Variants in PRH1 observed in about 807,000 individuals in gnomAD.
The protein encoded by PRH1 is salivary acidic proline-rich phosphoprotein 1/2.
A neutral mutation model predicts 7.9 loss-of-function variants in PRH1; 7 were observed. The ratio of observed to expected loss-of-function variants is 0.89; its 90% CI spans 0.50 to 1.67. PRH1 has a LOEUF of 1.67. Ranked by LOEUF, PRH1 falls within the 40% of genes most tolerant of loss-of-function variation. The probability of loss-of-function intolerance (pLI) is 0.00; values close to 1 mark genes in which losing one functional copy is unlikely to be tolerated. For synonymous variants in PRH1, 45 were observed against 80.8 expected (o/e 0.56, Z 2.38); for missense variants, 109 against 223.6 (o/e 0.49, Z 3.27).
At chr12:11,149,987 AC>A (rs1592109789) in intron 1 of PRH1, among the ~76,000 whole-genome samples, 1 of 127,272 alleles carries the variant, frequency 7.9e-6, no homozygotes, top group African/African-American at 2.7e-5. Flanking sequence ...AAAACAGACA[AC>A]CCCATCAAAA....
intron 2 of PRH1, among the ~76,000 whole-genome samples, chr12:10,901,517 G>T (rs775418726): frequency 6.6e-6 from 1 of 152,118 alleles, no homozygotes; most frequent in Non-Finnish European, 1.5e-5. Context: ...CACCCACCTT[G>T]CTCCCCACAA....
At chr12:10,939,051 T>C (rs1398434158) in intron 2 of PRH1, 3 of 1,613,870 alleles carry the variant, frequency 1.9e-6, no homozygotes, top group Non-Finnish European at 2.5e-6. Flanking sequence ...ATTCGAGAGA[T>C]TGCCAAAGCA....
Position 11,114,660 on chromosome 12 carries a change from A to C in PRH1, n.123+56762T>G, listed in dbSNP as rs532769390. ...CCAGAAGTTAAAGTATAATTAAAAAAATAATAGCCACAACAACCTTTGAAT... is the reference window on the plus strand; with the variant it reads ...CCAGAAGTTAAAGTATAATTAAAAACATAATAGCCACAACAACCTTTGAAT... On this transcript the variant is annotated intron_variant and non_coding_transcript_variant, in intron 1 of 4. Coordinates refer to the PRH1 transcript ENST00000541977. 5.9e-5 allele frequency among the ~76,000 whole-genome samples: 9 copies of C among 152,316 alleles called. No homozygotes were observed. The South Asian group carries it at 1.9e-3, about 32-fold the overall frequency.
chr12:11,035,854 A>G (rs1385213079), intron 1 of PRH1, among the ~76,000 whole-genome samples: 2 of 152,156 alleles, frequency 1.3e-5, no homozygotes, highest in Admixed American at 6.5e-5. Context: ...CCACAGCTCC[A>G]CCACTCTATT....
At chr12:11,101,404 C>T (rs760621370) in intron 1 of PRH1, among the ~76,000 whole-genome samples, 2 of 152,204 alleles carry the variant, frequency 1.3e-5, no homozygotes, top group African/African-American at 2.4e-5. Flanking sequence ...ATGGGAGAAT[C>T]ACTTGAGCCA....
upstream of PRH1, among the ~76,000 whole-genome samples, chr12:10,889,170 T>G (rs1241224444): frequency 6.6e-6 from 1 of 152,232 alleles, no homozygotes. Flanking sequence ...AGAACTTCAT[T>G]TGGCTATTAT....
chr12:10,903,678 G>A (rs1410182454), intron 2 of PRH1, among the ~76,000 whole-genome samples: 1 of 150,660 alleles, frequency 6.6e-6, no homozygotes, highest in Non-Finnish European at 1.5e-5. Flanking sequence ...TCCTAGCCAG[G>A]ACAATCAGGC....
chr12:11,045,115 C>T (rs1418893050), intron 1 of PRH1, among the ~76,000 whole-genome samples: 3 of 151,962 alleles, frequency 2.0e-5, no homozygotes, highest in Admixed American at 6.6e-5. Flanking sequence ...CAATGGAGTA[C>T]AATTGAGCCA....
chr12:10,943,302 T>C (rs145931765), intron 2 of PRH1, among the ~76,000 whole-genome samples: 140 of 152,268 alleles, frequency 9.2e-4, no homozygotes, highest in African/African-American at 3.2e-3. Flanking sequence ...CTCATTGTGG[T>C]TTTGATTTGG....
At position 11,154,819 on chromosome 12, in the gene PRH1, TCC is replaced by T. The variant is rs1332226301; in HGVS notation, n.39+16601_39+16602del. ...AATTTTCTTAATCAGATAAGGAAAT[TCC>T]AGAGAGAATTCCCTCTGGTGCTTCA... On this transcript the variant is annotated intron_variant and non_coding_transcript_variant, in intron 1 of 1. Coordinates refer to the PRH1 transcript ENST00000541175. Among the ~76,000 whole-genome samples, 4 of 152,290 alleles carry T rather than the reference TCC, an allele frequency of 2.6e-5. No individual in the cohort carries two copies. In the East Asian group the frequency reaches 7.7e-4, roughly 29 times the overall value.
At position 10,930,687 on chromosome 12, in the gene PRH1, A is replaced by G. The variant is rs1366165178; in HGVS notation, c.-59+42968T>C. 2.5e-6 allele frequency: 4 copies of G among 1,613,934 alleles called. No homozygotes were observed. The Admixed American group carries it at 6.7e-5, about 27-fold the overall frequency. ...ATGGAGGAGACTCTGAGCAGTTCAT[A>G]GATGAGGAGCGTCAGGGACCACCTT... is the stretch of plus-strand genomic sequence containing the variant. On this transcript the variant is annotated intron_variant, in intron 2 of 3. Transcript: ENST00000539853.
At chr12:11,142,646 C>G (rs1277651937) in intron 1 of PRH1, among the ~76,000 whole-genome samples, 1 of 152,094 alleles carries the variant, frequency 6.6e-6, no homozygotes, top group Admixed American at 6.6e-5. Flanking sequence ...AAGACTACCT[C>G]AAGGAATTTA....
At chr12:11,086,408 A>C (rs533330381) in intron 1 of PRH1, among the ~76,000 whole-genome samples, 1 of 115,930 alleles carries the variant, frequency 8.6e-6, no homozygotes, top group South Asian at 2.3e-4. Context: ...TATTTAATTT[A>C]TTTTTGATTA....
At position 11,030,487 on chromosome 12, in the gene PRH1, GT is replaced by G. The variant is rs766252573; in HGVS notation, c.-126+16532del. 2.5e-6 allele frequency: 4 copies of G among 1,614,274 alleles called. No homozygotes were observed. In the South Asian group the frequency reaches 4.4e-5, roughly 18 times the overall value. ...AAAGAAAAGTCTGCTTTAGCTTCTT[GT>G]TTCCCCAAATCAGGATGAATGGGTG... On this transcript the variant is annotated intron_variant, in intron 1 of 3. Coordinates refer to the PRH1 transcript ENST00000539853.
intron 2 of PRH1, among the ~76,000 whole-genome samples, chr12:10,896,416 A>C (rs1487913490): frequency 6.6e-6 from 1 of 152,202 alleles, no homozygotes; most frequent in Non-Finnish European, 1.5e-5. Context: ...TGCAAAGTTT[A>C]AGAAAATGGA....
intron 2 of PRH1, among the ~76,000 whole-genome samples, chr12:10,920,669 A>G (rs371789087): frequency 2.6e-5 from 4 of 152,244 alleles, no homozygotes; most frequent in South Asian, 2.1e-4. Flanking sequence ...TTTTTAAATT[A>G]TCTAGGTGGA....
intron 1 of PRH1, 59 bp from the exon 2 acceptor site, chr12:10,883,155 A>G: frequency 1.3e-6 from 2 of 1,573,224 alleles, no homozygotes; most frequent in Non-Finnish European, 1.7e-6. Context: ...CAAGGCTCAT[A>G]GTGTTCTACG....
intron 2 of PRH1, chr12:10,930,325 A>G: frequency 6.2e-7 from 1 of 1,606,222 alleles, no homozygotes; most frequent in Non-Finnish European, 8.5e-7. Context: ...ATAAATTCTC[A>G]GTAAACTCTG....
intron 1 of PRH1, among the ~76,000 whole-genome samples, chr12:11,072,444 C>T (rs1944116209): frequency 6.6e-6 from 1 of 152,210 alleles, no homozygotes. Flanking sequence ...TCTTCCTGAC[C>T]TGCAGAGTAA....
Sources: gnomAD v4.1 joint callset for allele counts (sites outside exome capture counted in the v4.1 genomes callset) on GRCh38, gnomAD v4.1.1 for gene constraint, MANE v1.5 for transcripts, NCBI Gene and HGNC (gene_info 2026-07-23, HGNC 2026-07-21) for gene names.